The following SEC23B variants were observed in gnomAD, a reference collection of about 807,000 sequenced individuals.
SEC23B encodes the protein SEC23 homolog B, COPII component, also known as protein transport protein Sec23B.
In SEC23B, 77 loss-of-function variants were observed where a neutral mutation model predicts 104.3. The observed-to-expected ratio is 0.74, with a 90% CI of 0.61 to 0.89. SEC23B has a LOEUF of 0.89. Among genes scored for constraint, SEC23B ranks in the 40% least tolerant of loss-of-function variants. The pLI is 0.00. For synonymous variants in SEC23B, 338 were observed against 332.5 expected (o/e 1.02, Z -0.18); for missense variants, 885 against 949.4 (o/e 0.93, Z 0.89).
At position 18,543,239 on chromosome 20, in the gene SEC23B, CACTT is replaced by C. The variant is rs376460979; in HGVS notation, c.1665+69_1665+72del. ...GCTTTACTTTCGAGAAGAAAATTGT[CACTT>C]AATTATTATTATATAGTGAATCAGC... On this transcript the variant is annotated intron_variant, in intron 14 of 19. Coordinates refer to ENST00000650089, the MANE Select transcript of SEC23B (RefSeq NM_006363.6). 525 of 1,587,246 alleles carry C rather than the reference CACTT, an allele frequency of 3.3e-4. 2 individuals are homozygous for C. The African/African-American group carries it at 5.0e-3, about 15-fold the overall frequency.
chr20:18,554,484 G>C, intron 18 of SEC23B, 94 bp downstream of exon 18: 4 of 1,440,028 alleles, frequency 2.8e-6, no homozygotes, highest in Non-Finnish European at 3.9e-6. Flanking sequence ...TATTTTATGT[G>C]ATGACATAAA....
At chr20:18,523,515 G>C (rs2060105425) in intron 4 of SEC23B, among the ~76,000 whole-genome samples, 1 of 147,978 alleles carries the variant, frequency 6.8e-6, no homozygotes, top group Non-Finnish European at 1.5e-5. Flanking sequence ...CAATTCTCCT[G>C]CCTCAGCCTC....
Position 18,560,739 on chromosome 20 carries a change from A to T in SEC23B, c.2303A>T (p.Ter768LeuextTer35). The change falls in exon 20 of 20, where the codon TAA becomes TTA. Residue 768 changes from the stop codon to leucine (L), a stop_lost. Coordinates refer to ENST00000650089, the MANE Select transcript of SEC23B (RefSeq NM_006363.6). ...LKKLAVSSAC[*>L] ...AAGCTGGCTGTCTCCAGTGCCTGTT[A>T]AGCTGAGGATACAACCAGGAAATGC... 6.2e-7 allele frequency: 1 copy of T among 1,611,354 alleles called. No homozygotes were observed. Among genetic ancestry groups the T allele is most frequent in the Non-Finnish European group, 8.5e-7 (1 of 1,177,634 alleles).
At chr20:18,550,629 G>T (rs2060378721) in intron 16 of SEC23B, among the ~76,000 whole-genome samples, 2 of 152,178 alleles carry the variant, frequency 1.3e-5, no homozygotes, top group South Asian at 2.1e-4. Flanking sequence ...ATATCATTAA[G>T]CCTGGACAAC....
intron 8 of SEC23B, 144 bp downstream of exon 8, chr20:18,526,675 G>A: frequency 1.1e-6 from 1 of 871,472 alleles, no homozygotes; most frequent in South Asian, 1.4e-5. Context: ...CTTAGCTGCT[G>A]TTAAATTATT....
chr20:18,522,778 C>T lies in SEC23B; in HGVS notation c.367-1655C>T, dbSNP rs556322542. On this transcript the variant is annotated intron_variant, in intron 4 of 19. Coordinates refer to ENST00000650089, the MANE Select transcript of SEC23B (RefSeq NM_006363.6). ...GAGTAATTCTTTAAAAACAAATCGG[C>T]CGGGCGTGGTGGCTCACACACGTAA... 9.0e-4 allele frequency among the ~76,000 whole-genome samples: 137 copies of T among 152,274 alleles called. 1 individual carries two copies. Among genetic ancestry groups the T allele is most frequent in the African/African-American group, 3.2e-3 (133 of 41,550 alleles).
chr20:18,544,001 G>A (rs940162021), intron 14 of SEC23B, among the ~76,000 whole-genome samples: 1 of 152,152 alleles, frequency 6.6e-6, no homozygotes, highest in Non-Finnish European at 1.5e-5. Flanking sequence ...TGCTGAATGA[G>A]CACTCGGGCG....
In SEC23B at chr20:18,548,603, A is replaced by G; in HGVS notation, c.1744-6A>G. Reference sequence around the variant, plus strand: ...GCATTTCTCTTTCCGTTCTTTGTGAATGCAGTTTATGTTCCATCTGAGAAG... The same window carrying G: ...GCATTTCTCTTTCCGTTCTTTGTGAGTGCAGTTTATGTTCCATCTGAGAAG... On this transcript the variant is annotated splice_region_variant and splice_polypyrimidine_tract_variant and intron_variant, in intron 15 of 19. Coordinates refer to ENST00000650089, the MANE Select transcript of SEC23B (RefSeq NM_006363.6). 6.2e-7 allele frequency: 1 copy of G among 1,613,590 alleles called. No homozygotes were observed. The highest frequency in any genetic ancestry group is 8.5e-7 in the Non-Finnish European group (1 of 1,179,520).
intron 3 of SEC23B, 32 bp downstream of exon 3, chr20:18,512,314 GTTTTA>G (rs748577910): frequency 4.1e-5 from 56 of 1,365,948 alleles, no homozygotes; most frequent in Non-Finnish European, 5.5e-5. Context: ...AATGTTATAT[GTTTTA>G]TTTTAGTTGT....
In SEC23B at chr20:18,548,635, A is replaced by G. The variant is rs776688499; in HGVS notation, c.1770A>G (p.Pro590=). Residue 590 remains proline, a synonymous_variant, in exon 16 of 20, where the codon CCA becomes CCG. Transcript: ENST00000650089. ...PQFMFHLRRS[P]FLQVFNNSPD... Reference sequence around the variant, plus strand: ...TTATGTTCCATCTGAGAAGATCTCCATTTCTTCAAGTGTTTAACAACAGTC... The same window carrying G: ...TTATGTTCCATCTGAGAAGATCTCCGTTTCTTCAAGTGTTTAACAACAGTC... 4 of 1,614,100 alleles carry G rather than the reference A, an allele frequency of 2.5e-6. No homozygotes were observed. Among genetic ancestry groups the G allele is most frequent in the Non-Finnish European group, 2.5e-6 (3 of 1,179,996 alleles).
At chr20:18,518,397 C>T (rs6081177) in intron 4 of SEC23B, among the ~76,000 whole-genome samples, 101,723 of 151,854 alleles carry the variant, frequency 0.67, 35,808 homozygotes, top group Non-Finnish European at 0.8. Flanking sequence ...GGGAGGGGGC[C>T]TCAACAATCC....
At chr20:18,549,930 C>T (rs769248980) in intron 16 of SEC23B, among the ~76,000 whole-genome samples, 7 of 151,380 alleles carry the variant, frequency 4.6e-5, no homozygotes, top group Non-Finnish European at 7.4e-5. Flanking sequence ...GTTGAGATCG[C>T]GCCACTGCAT....
chr20:18,524,223 G>A (rs1316138204), intron 4 of SEC23B, among the ~76,000 whole-genome samples: 1 of 152,092 alleles, frequency 6.6e-6, no homozygotes, highest in Admixed American at 6.5e-5. Flanking sequence ...AAAAATGTTG[G>A]CAAAGTTGTT....
At position 18,527,612 on chromosome 20, in the gene SEC23B, G is replaced by A. The variant is rs772358387; in HGVS notation, c.1109+1G>A. 6.4e-6 allele frequency: 10 copies of A among 1,553,992 alleles called. No homozygotes were observed. The highest frequency in any genetic ancestry group is 8.9e-6 in the Non-Finnish European group (10 of 1,125,124). ...TGAAGTGTTGTGCAAATCTTACTGG[G>A]TATGTTGACAGTGAAAACCTGGGCA... On this transcript the variant is annotated splice_donor_variant, in intron 9 of 19. Transcript: ENST00000650089. LOFTEE classifies it high-confidence loss of function.
At chr20:18,547,486 G>A (rs773100778) in intron 15 of SEC23B, among the ~76,000 whole-genome samples, 3 of 152,116 alleles carry the variant, frequency 2.0e-5, no homozygotes, top group Non-Finnish European at 2.9e-5. Flanking sequence ...TTTAATGTGA[G>A]CTGAAAGTCT....
chr20:18,511,236 C>T (rs543424898), intron 2 of SEC23B, among the ~76,000 whole-genome samples, 180 bp downstream of exon 2: 1 of 152,074 alleles, frequency 6.6e-6, no homozygotes. Flanking sequence ...TAGAAATCTC[C>T]CTGGCCTGAT....
At chr20:18,514,612 A>C (rs2060008889) in intron 3 of SEC23B, among the ~76,000 whole-genome samples, 1 of 152,264 alleles carries the variant, frequency 6.6e-6, no homozygotes, top group South Asian at 2.1e-4. Flanking sequence ...GCTAAAGACT[A>C]TTTGGATTAT....
intron 2 of SEC23B, 130 bp downstream of exon 2, chr20:18,511,186 T>C (rs1951203795): frequency 2.7e-6 from 2 of 729,608 alleles, no homozygotes; most frequent in Admixed American, 4.0e-5. Flanking sequence ...ATGAGACTCC[T>C]AAACGATTCT....
chr20:18,522,307 A>G (rs997376970), intron 4 of SEC23B, among the ~76,000 whole-genome samples: 2 of 152,192 alleles, frequency 1.3e-5, no homozygotes, highest in Admixed American at 1.3e-4. Context: ...GTGAATAATC[A>G]GGCAGGCGTC....
Sources: allele counts gnomAD v4.1 joint callset (sites outside exome capture counted in the v4.1 genomes callset), GRCh38; gene constraint gnomAD v4.1.1; transcripts MANE v1.5; gene names NCBI Gene and HGNC (gene_info 2026-07-23, HGNC 2026-07-21).